Variants in CHD1 observed in about 807,000 individuals in gnomAD.
CHD1 encodes the protein chromodomain helicase DNA binding protein 1.
Under a neutral mutation model 224.2 loss-of-function variants are expected in CHD1, and 36 were observed. That is an observed-to-expected ratio of 0.16 (90% CI 0.12 to 0.21). The LOEUF (loss-of-function observed/expected upper bound fraction) is 0.21. Among genes scored for constraint, CHD1 ranks in the 10% least tolerant of loss-of-function variants. The pLI is 1.00. For synonymous variants in CHD1, 668 were observed against 658.3 expected (o/e 1.01, Z -0.23); for missense variants, 1,378 against 1,994.8 (o/e 0.69, Z 5.89).
Position 98,856,491 on chromosome 5 carries a change from G to A in CHD1, c.5022C>T (p.Gly1674=). 2 of 1,613,580 alleles carry A rather than the reference G, an allele frequency of 1.2e-6. No homozygotes were observed. The highest frequency in any genetic ancestry group is 1.7e-6 in the Non-Finnish European group (2 of 1,179,548). ...ATCTCTGATCTAGTGGTGACCTAGGGCCACTGCTGGAAGCTCTGTGGTCCA... is the reference window on the plus strand; with the variant it reads ...ATCTCTGATCTAGTGGTGACCTAGGACCACTGCTGGAAGCTCTGTGGTCCA... ...WQMDHRASSS[G]PRSPLDQRSP... Residue 1674 remains glycine, a synonymous_variant, in exon 36 of 36, where the codon GGC becomes GGT. Coordinates refer to ENST00000614616, the MANE Select transcript of CHD1 (RefSeq NM_001270.4).
intron 32 of CHD1, among the ~76,000 whole-genome samples, chr5:98,861,167 G>A (rs1252390636): frequency 6.6e-6 from 1 of 152,066 alleles, no homozygotes; most frequent in Non-Finnish European, 1.5e-5. Context: ...TCAGGTCCTA[G>A]GTGTTTCCTT....
chr5:98,915,072 A>G (rs1050511298), intron 2 of CHD1, among the ~76,000 whole-genome samples: 1 of 152,260 alleles, frequency 6.6e-6, no homozygotes, highest in Non-Finnish European at 1.5e-5. Flanking sequence ...AACGGCTTTC[A>G]AACTTTTTGG....
Position 98,881,260 on chromosome 5 carries a change from T to A in CHD1, c.2964+19A>T. ...CATATTCTGAGGCAGGCCTTTTTTT[T>A]TTTTTTTTTTTTTTTTACCTGGGGC... is the stretch of plus-strand genomic sequence containing the variant. On this transcript the variant is annotated intron_variant, in intron 21 of 35. Coordinates refer to ENST00000614616, the MANE Select transcript of CHD1 (RefSeq NM_001270.4). The A allele has an allele frequency of 7.5e-7, 1 of 1,341,670 alleles. No homozygotes were observed. The highest frequency in any genetic ancestry group is 1.5e-5 in the South Asian group (1 of 66,010). 83.1% of individuals were successfully genotyped at this position (1,341,670 alleles called of 1,614,324 possible). A position where few individuals can be genotyped will look rare whatever the true frequency, so the allele number is the denominator to read the frequency against.
At position 98,897,318 on chromosome 5, in the gene CHD1, T is replaced by A. The variant is rs762666762; in HGVS notation, c.1368A>T (p.Val456=). ...SKTTPFKDCK[V]LKQRPRFVAL... is the part of the protein sequence containing the mutation. ...CTACAAACCTTGGCCTTTGTTTTAA[T>A]ACCTTTAGTAGAAATAAACATTATT... The change falls in exon 11 of 36, where the codon GTA becomes GTT. Residue 456 remains valine (V), a splice_region_variant and synonymous_variant. Coordinates refer to ENST00000614616, the MANE Select transcript of CHD1 (RefSeq NM_001270.4). 4 of 1,587,998 alleles carry A rather than the reference T, an allele frequency of 2.5e-6. No individual in the cohort carries two copies. In the Admixed American group the frequency reaches 7.0e-5, roughly 28 times the overall value.
intron 30 of CHD1, 86 bp downstream of exon 30, chr5:98,869,668 A>AATAT (rs1749183832): frequency 2.7e-6 from 4 of 1,456,244 alleles, no homozygotes; most frequent in Admixed American, 1.9e-5. Flanking sequence ...CGGTACCTAA[A>AATAT]ATATAAATTT....
intron 33 of CHD1, among the ~76,000 whole-genome samples, chr5:98,859,647 T>C (rs1748314825): frequency 6.6e-6 from 1 of 152,158 alleles, no homozygotes; most frequent in African/African-American, 2.4e-5. Flanking sequence ...GGGTTCATGA[T>C]GCTGATATGT....
intron 2 of CHD1, among the ~76,000 whole-genome samples, chr5:98,922,858 G>C (rs1328779651): frequency 6.6e-6 from 1 of 152,106 alleles, no homozygotes; most frequent in Non-Finnish European, 1.5e-5. Context: ...ATGCAGTGGT[G>C]CATGCCTGTA....
intron 19 of CHD1, among the ~76,000 whole-genome samples, 172 bp downstream of exon 19, chr5:98,882,916 G>T (rs1056114745): frequency 1.3e-5 from 2 of 151,956 alleles, no homozygotes; most frequent in African/African-American, 4.8e-5. Context: ...TCTCAATTCT[G>T]TCAGACTCTC....
chr5:98,875,757 G>T (rs1016199012), intron 24 of CHD1, among the ~76,000 whole-genome samples: 3 of 152,000 alleles, frequency 2.0e-5, no homozygotes, highest in Non-Finnish European at 4.4e-5. Flanking sequence ...AAAGAAAAAA[G>T]TTACAATGGC....
At chr5:98,888,841 T>C (rs1035939135) in intron 16 of CHD1, among the ~76,000 whole-genome samples, 3 of 152,222 alleles carry the variant, frequency 2.0e-5, no homozygotes, top group African/African-American at 7.2e-5. Flanking sequence ...GGATAAGTTA[T>C]TATAGGCCAT....
chr5:98,917,703 T>C (rs1752826922), intron 2 of CHD1, among the ~76,000 whole-genome samples: 1 of 152,260 alleles, frequency 6.6e-6, no homozygotes, highest in Admixed American at 6.5e-5. Flanking sequence ...AAGTCAGTAC[T>C]GTTTGAATAG....
At chr5:98,922,914 G>A (rs1254012420) in intron 2 of CHD1, among the ~76,000 whole-genome samples, 8 of 152,250 alleles carry the variant, frequency 5.3e-5, no homozygotes, top group African/African-American at 1.4e-4. Context: ...GCTTGAACTC[G>A]GTAGGCGGAG....
At chr5:98,876,237 TATAAC>T (rs1175027138) in intron 24 of CHD1, among the ~76,000 whole-genome samples, 156 bp downstream of exon 24, 1 of 152,222 alleles carries the variant, frequency 6.6e-6, no homozygotes, top group Non-Finnish European at 1.5e-5. Flanking sequence ...TTTGTTCAGT[TATAAC>T]AAATACCCAA....
chr5:98,874,918 AAAAC>A (rs906389031), intron 25 of CHD1, among the ~76,000 whole-genome samples, 150 bp downstream of exon 25: 56 of 152,354 alleles, frequency 3.7e-4, no homozygotes, highest in African/African-American at 1.3e-3. Context: ...AACATTTTTA[AAAAC>A]AATCTGAAAT....
At chr5:98,899,939 A>G (rs1429872980) in intron 7 of CHD1, among the ~76,000 whole-genome samples, 1 of 152,164 alleles carries the variant, frequency 6.6e-6, no homozygotes, top group Non-Finnish European at 1.5e-5. Flanking sequence ...ACAGAGATCC[A>G]CCTGAGATCC....
chr5:98,877,419 G>C (rs140416159), intron 23 of CHD1, among the ~76,000 whole-genome samples: 200 of 152,246 alleles, frequency 1.3e-3, no homozygotes, highest in African/African-American at 4.7e-3. Flanking sequence ...TGGATGAACA[G>C]ATTGATTAGC....
intron 28 of CHD1, among the ~76,000 whole-genome samples, 163 bp from the exon 29 acceptor site, chr5:98,870,966 T>C (rs1749291289): frequency 6.6e-6 from 1 of 152,094 alleles, no homozygotes. Flanking sequence ...TTTTTATACG[T>C]ATGCCAGAGC....
rs1747934935 is a variant in CHD1, at chr5:98,855,250, A to C, written c.*1130T>G. 1 of 152,626 alleles carries C rather than the reference A, an allele frequency of 6.6e-6. No individual in the cohort carries two copies. Among genetic ancestry groups the C allele is most frequent in the Non-Finnish European group, 1.5e-5 (1 of 68,038 alleles). 9.5% of individuals were successfully genotyped at this position (152,626 alleles called of 1,614,324 possible). Reference sequence around the variant, plus strand: ...TGTCATATATAACGTTTTTATATACAATCAGTGTGCATTGTAACAGTTTAT... The same window carrying C: ...TGTCATATATAACGTTTTTATATACCATCAGTGTGCATTGTAACAGTTTAT... On this transcript the variant is annotated 3_prime_UTR_variant, in exon 36 of 36. Transcript: ENST00000614616.
At position 98,881,201 on chromosome 5, in the gene CHD1, A is replaced by C. The variant is rs757949962; in HGVS notation, c.2965-30T>G. 6.7e-6 allele frequency: 10 copies of C among 1,484,498 alleles called. 1 individual carries two copies. The South Asian group carries it at 1.2e-4, about 18-fold the overall frequency. 92.0% of individuals were successfully genotyped at this position (1,484,498 alleles called of 1,614,324 possible). On this transcript the variant is annotated intron_variant, in intron 21 of 35. Coordinates refer to ENST00000614616, the MANE Select transcript of CHD1 (RefSeq NM_001270.4). Reference sequence around the variant, plus strand: ...AATTAAAAAGACAATATTTAAATATACTTGAATCCTTTCATCCTGTCAAAT... The same window carrying C: ...AATTAAAAAGACAATATTTAAATATCCTTGAATCCTTTCATCCTGTCAAAT...
Sources: allele counts gnomAD v4.1 joint callset (sites outside exome capture counted in the v4.1 genomes callset), GRCh38; gene constraint gnomAD v4.1.1; transcripts MANE v1.5; gene names NCBI Gene and HGNC (gene_info 2026-07-23, HGNC 2026-07-21).